The following PDIA2 variants were observed in gnomAD, a reference collection of about 807,000 sequenced individuals.
The protein encoded by PDIA2 is protein disulfide isomerase family A member 2.
A neutral mutation model predicts 51.1 loss-of-function variants in PDIA2; 76 were observed. That is an observed-to-expected ratio of 1.49 (90% CI 1.24 to 1.80). PDIA2 has a LOEUF of 1.80. Ranked by LOEUF, PDIA2 falls within the 40% of genes most tolerant of loss-of-function variation. PDIA2 has a pLI of 0.00. For missense variants in PDIA2, 946 were observed against 706.5 expected (o/e 1.34, Z -3.84); for synonymous variants, 429 against 309.9 (o/e 1.38, Z -4.04).
At position 284,574 on chromosome 16, in the gene PDIA2, G is replaced by A. The variant is rs761479366; in HGVS notation, c.387G>A (p.Thr129=). 9.9e-6 allele frequency: 16 copies of A among 1,612,188 alleles called. No homozygotes were observed. The highest frequency in any genetic ancestry group is 6.7e-5 in the Admixed American group (4 of 59,918). ...TLKFFRNGNR[T]HPEEYTGPRD... ...AGTTCTTCCGCAATGGGAACCGCACGCACCCGGAGGAGTACACAGGTGAGG... is the reference window on the plus strand; with the variant it reads ...AGTTCTTCCGCAATGGGAACCGCACACACCCGGAGGAGTACACAGGTGAGG... Residue 129 remains threonine, a synonymous_variant, in exon 2 of 11, where the codon ACG becomes ACA. Coordinates refer to ENST00000219406, the MANE Select transcript of PDIA2 (RefSeq NM_006849.4).
Position 283,358 on chromosome 16 carries a change from G to A in PDIA2, c.189G>A (p.Leu63=). 6.3e-7 allele frequency: 1 copy of A among 1,597,808 alleles called. No individual in the cohort carries two copies. Residue 63 remains leucine (L), a synonymous_variant, in exon 1 of 11, where the codon CTG becomes CTA. Coordinates refer to ENST00000219406, the MANE Select transcript of PDIA2 (RefSeq NM_006849.4). ...GLALREHPAL[L]VEFYAPWCGH... ...CCCTGCGGGAGCACCCTGCCCTGCT[G>A]GTGGAATTCTGTGAGTGCTGGGGCC...
At position 285,089 on chromosome 16, in the gene PDIA2, T is replaced by G. The variant is rs113796220; in HGVS notation, c.684T>G (p.Asp228Glu). 2 of 1,612,536 alleles carry G rather than the reference T, an allele frequency of 1.2e-6. No homozygotes were observed. Among genetic ancestry groups the G allele is most frequent in the African/African-American group, 1.3e-5 (1 of 74,864 alleles). The change falls in exon 5 of 11, where the codon GAT becomes GAG. Residue 228 changes from aspartate to glutamate, a missense_variant. Transcript: ENST00000219406. ...KDTVVLFKKF[D>E]EGRADFPVDE... ...ACCCACCTGCTGCTGTCCAGTTTGA[T>G]GAGGGGCGGGCAGACTTCCCCGTGG...
chr16:286,959 A>C lies in PDIA2; in HGVS notation c.1533+14A>C, dbSNP rs113410481. ...GCCCCGTTCCCGGTGGGTGTCCCTA[A>C]GCCAGGGCTCCAGGCCTCTGCACAA... On this transcript the variant is annotated intron_variant, in intron 10 of 10. Transcript: ENST00000219406. 5,176 of 1,603,780 alleles carry C rather than the reference A, an allele frequency of 3.2e-3. 42 individuals carry two copies. The highest frequency in any genetic ancestry group is 0.018 in the African/African-American group (1,332 of 74,518).
At chr16:285,764 G>T in intron 7 of PDIA2, 61 bp downstream of exon 7, 1 of 1,553,224 alleles carries the variant, frequency 6.4e-7, no homozygotes, top group Admixed American at 1.9e-5. Context: ...CAGCTTGGCA[G>T]GGGGTGGGAA....
In PDIA2 at chr16:284,956, C is replaced by A. The variant is rs554427910; in HGVS notation, c.619C>A (p.Arg207=). The A allele has an allele frequency of 2.5e-6, 4 of 1,613,390 alleles. No homozygotes were observed. The highest frequency in any genetic ancestry group is 4.5e-5 in the East Asian group (2 of 44,882). The change falls in exon 4 of 11, where the codon CGG becomes AGG. Residue 207 remains arginine, a synonymous_variant. Transcript: ENST00000219406. Reference sequence around the variant, plus strand: ...GGACATGACCTTTGGCCTCACAGACCGGCCGCGGCTCTTTCAGCAGTTTGG... The same window carrying A: ...GGACATGACCTTTGGCCTCACAGACAGGCCGCGGCTCTTTCAGCAGTTTGG... ...ALDMTFGLTD[R]PRLFQQFGLT...
In PDIA2 at chr16:287,134, C is replaced by T; in HGVS notation, c.*21C>T. Reference sequence around the variant, plus strand: ...TGTAGCTGCCCCCGTGTCACCCCCGCCATCACTGCTGGACAGGAGCCACCC... The same window carrying T: ...TGTAGCTGCCCCCGTGTCACCCCCGTCATCACTGCTGGACAGGAGCCACCC... On this transcript the variant is annotated 3_prime_UTR_variant, in exon 11 of 11. Coordinates refer to ENST00000219406, the MANE Select transcript of PDIA2 (RefSeq NM_006849.4). 1 of 1,611,818 alleles carries T rather than the reference C, an allele frequency of 6.2e-7. No homozygotes were observed. Among genetic ancestry groups the T allele is most frequent in the Non-Finnish European group, 8.5e-7 (1 of 1,179,084 alleles).
rs745712406 is a variant in PDIA2 at position 285,000 on chromosome 16, G to A, written c.663G>A (p.Val221=). 18 of 1,613,392 alleles carry A rather than the reference G, an allele frequency of 1.1e-5. No individual in the cohort carries two copies. The South Asian group carries it at 1.9e-4, about 17-fold the overall frequency. Reference sequence around the variant, plus strand: ...AGTTTGGCCTCACCAAGGACACTGTGGTTCTCTTCAAGAAGGTAGGTCAGG... The same window carrying A: ...AGTTTGGCCTCACCAAGGACACTGTAGTTCTCTTCAAGAAGGTAGGTCAGG... ...FQQFGLTKDT[V]VLFKKFDEGR... The change falls in exon 4 of 11, where the codon GTG becomes GTA. Residue 221 remains valine, a synonymous_variant. Transcript: ENST00000219406.
chr16:283,637 A>T (rs533681566), intron 1 of PDIA2, among the ~76,000 whole-genome samples: 1 of 152,154 alleles, frequency 6.6e-6, no homozygotes, highest in East Asian at 1.9e-4. Context: ...TGCCAGAGTC[A>T]CCACCTTGCC....
At chr16:283,478 C>T (rs2052313038) in intron 1 of PDIA2, 110 bp downstream of exon 1, 2 of 1,185,680 alleles carry the variant, frequency 1.7e-6, no homozygotes, top group South Asian at 3.3e-5. Flanking sequence ...GAGGGGCCTC[C>T]CCGCAGGCAC....
At position 285,692 on chromosome 16, in the gene PDIA2, G is replaced by T. The variant is rs764426526; in HGVS notation, c.1108G>T (p.Gly370Cys). ...TGCTTTCTGCCATGCAGTCCTCAAC[G>T]GCCAAGTCAAGGTCCGCTGCAGACT... is the stretch of plus-strand genomic sequence containing the variant. ...ITAFCHAVLN[G>C]QVKPYLLSQE... Residue 370 changes from glycine to cysteine, a missense_variant, in exon 7 of 11, where the codon GGC becomes TGC. Physicochemically the swap from Gly to Cys is radical, Grantham distance 159. Transcript: ENST00000219406. 3.5e-5 allele frequency: 57 copies of T among 1,612,766 alleles called. No homozygotes were observed. The South Asian group carries it at 5.4e-4, about 15-fold the overall frequency.
rs540992536 is a variant in PDIA2, at chr16:286,693, C to T, written c.1380C>T (p.Gly460=). 846 of 1,612,486 alleles carry T rather than the reference C, an allele frequency of 5.2e-4. 13 individuals carry two copies. The South Asian group carries it at 8.4e-3, about 16-fold the overall frequency. The change falls in exon 9 of 11, where the codon GGC becomes GGT. Residue 460 remains glycine (G), a synonymous_variant. Coordinates refer to ENST00000219406, the MANE Select transcript of PDIA2 (RefSeq NM_006849.4). The stretch of plus-strand genomic sequence containing the variant: ...AGCTGGATGCCTTCGCTGTGCACGG[C>T]TTCCCTACTCTCAAGTACTTCCCAG... The part of the protein sequence containing the change: ...ANELDAFAVH[G]FPTLKYFPAG...
chr16:286,980 C>T (rs1243135687), intron 10 of PDIA2, 35 bp downstream of exon 10: 10 of 1,610,194 alleles, frequency 6.2e-6, no homozygotes, highest in Middle Eastern at 1.7e-4. Flanking sequence ...CAGGCCTCTG[C>T]ACAAATCCTC....
chr16:285,015 G>A lies in PDIA2; in HGVS notation c.678G>A (p.Lys226=), dbSNP rs201825397. 3 of 1,613,352 alleles carry A rather than the reference G, an allele frequency of 1.9e-6. No homozygotes were observed. Among genetic ancestry groups the A allele is most frequent in the East Asian group, 2.2e-5 (1 of 44,886 alleles). ...LTKDTVVLFK[K]FDEGRADFPV... ...AGGACACTGTGGTTCTCTTCAAGAA[G>A]GTAGGTCAGGCCCAGGTGTGGGTTG... Residue 226 remains lysine, a splice_region_variant and synonymous_variant, in exon 4 of 11, where the codon AAG becomes AAA. Transcript: ENST00000219406.
Position 283,258 on chromosome 16 carries a change from C to A in PDIA2, c.89C>A (p.Ser30Ter), listed in dbSNP as rs769578461. 1.2e-6 allele frequency: 2 copies of A among 1,610,540 alleles called. No individual in the cohort carries two copies. The highest frequency in any genetic ancestry group is 1.1e-5 in the South Asian group (1 of 90,812). The stretch of plus-strand genomic sequence containing the variant: ...CAGGAACAGGGAGCGAGGAGCCCCT[C>A]GGAGGAGCCTCCAGAGGAGGAAATC... ...WGQEQGARSP[S>*]EEPPEEEIPK... Residue 30 changes from serine to a stop codon, truncating the protein, a stop_gained, in exon 1 of 11, where the codon TCG (serine) becomes TAG (stop). Transcript: ENST00000219406. LOFTEE classifies it high-confidence loss of function.
chr16:286,955 C>T lies in PDIA2; in HGVS notation c.1533+10C>T, dbSNP rs752388724. 6.2e-7 allele frequency: 1 copy of T among 1,603,040 alleles called. No individual in the cohort carries two copies. Among genetic ancestry groups the T allele is most frequent in the African/African-American group, 1.3e-5 (1 of 74,362 alleles). On this transcript the variant is annotated intron_variant, in intron 10 of 10. Transcript: ENST00000219406. The stretch of plus-strand genomic sequence containing the variant: ...AGCAGCCCCGTTCCCGGTGGGTGTC[C>T]CTAAGCCAGGGCTCCAGGCCTCTGC...
chr16:283,826 G>A (rs762791583), intron 1 of PDIA2, among the ~76,000 whole-genome samples: 40 of 152,166 alleles, frequency 2.6e-4, no homozygotes, highest in African/African-American at 7.0e-4. Flanking sequence ...ACATGGGCCC[G>A]GGAGCCCCAG....
intron 1 of PDIA2, among the ~76,000 whole-genome samples, chr16:283,838 C>T (rs904044033): frequency 3.3e-5 from 5 of 152,198 alleles, no homozygotes; most frequent in Non-Finnish European, 7.3e-5. Flanking sequence ...GAGCCCCAGC[C>T]ATACAAGGCA....
In PDIA2 at chr16:286,564, G is replaced by A. The variant is rs544466936; in HGVS notation, c.1251G>A (p.Trp417Ter). 5 of 1,612,920 alleles carry A rather than the reference G, an allele frequency of 3.1e-6. No individual in the cohort carries two copies. The Admixed American group carries it at 6.7e-5, about 21-fold the overall frequency. ...KNVFVKFYAP[W>*]CTHCKEMAPA... ...CGGCTCCCATCCTAGATGCCCCGTG[G>A]TGCACCCACTGCAAGGAGATGGCCC... Residue 417 changes from tryptophan (W) to a stop codon, truncating the protein, a stop_gained, in exon 9 of 11, where the codon TGG (tryptophan) becomes TGA (stop). Transcript: ENST00000219406. LOFTEE classifies it high-confidence loss of function.
In PDIA2 at chr16:287,151, G is replaced by A. The variant is rs768884602; in HGVS notation, c.*38G>A. ...CACCCCCGCCATCACTGCTGGACAG[G>A]AGCCACCCCCTTGGGTACCAGAGGG... On this transcript the variant is annotated 3_prime_UTR_variant, in exon 11 of 11. Transcript: ENST00000219406. The A allele has an allele frequency of 6.2e-6, 10 of 1,611,600 alleles. No homozygotes were observed. The highest frequency in any genetic ancestry group is 8.5e-6 in the Non-Finnish European group (10 of 1,179,088).
Sources: allele counts gnomAD v4.1 joint callset (sites outside exome capture counted in the v4.1 genomes callset), GRCh38; gene constraint gnomAD v4.1.1; transcripts MANE v1.5; gene names NCBI Gene and HGNC (gene_info 2026-07-23, HGNC 2026-07-21).